Variants in SH2B3 observed in about 807,000 individuals in gnomAD.
SH2B3 encodes the protein SH2B adaptor protein 3.
Under a neutral mutation model 51.9 loss-of-function variants are expected in SH2B3, and 43 were observed. The ratio of observed to expected loss-of-function variants is 0.83; its 90% CI spans 0.65 to 1.07. SH2B3 has a LOEUF of 1.07. Among genes scored for constraint, SH2B3 ranks in the 50% least tolerant of loss-of-function variants. SH2B3 has a pLI of 0.00. For missense variants in SH2B3, 952 were observed against 834.3 expected (o/e 1.14, Z -1.74); for synonymous variants, 396 against 376.0 (o/e 1.05, Z -0.62).
Position 111,418,598 on chromosome 12 carries a change from CG to C in SH2B3, c.457del (p.Glu153SerfsTer44). The C allele has an allele frequency of 6.7e-7, 1 of 1,491,918 alleles. No homozygotes were observed. 92.4% of individuals were successfully genotyped at this position (1,491,918 alleles called of 1,614,324 possible). Reference sequence around the variant, plus strand: ...GCCACATCTTCCGCCGCCGCTCGGCCGGGGAGCTGCCAGCGGCCCACACCGC... The same window carrying C: ...GCCACATCTTCCGCCGCCGCTCGGCCGGGAGCTGCCAGCGGCCCACACCGC... ...LRHIFRRRSA[G>X]ELPAAHTAAA... On this transcript the variant is annotated frameshift_variant, in exon 2 of 8. Transcript: ENST00000341259. LOFTEE classifies it high-confidence loss of function. The surrounding 1 kb of genome is among the most constrained non-coding windows in gnomAD (Gnocchi z 6.7).
rs1387516113 is a variant in SH2B3, at chr12:111,410,979, G to A, written c.-28+4702G>A. 6.6e-6 allele frequency among the ~76,000 whole-genome samples: 1 copy of A among 152,172 alleles called. No homozygotes were observed. Among genetic ancestry groups the A allele is most frequent in the African/African-American group, 2.4e-5 (1 of 41,438 alleles). On this transcript the variant is annotated intron_variant, in intron 1 of 7. Coordinates refer to ENST00000341259, the MANE Select transcript of SH2B3 (RefSeq NM_005475.3). The surrounding 1 kb of genome is among the most constrained non-coding windows in gnomAD (Gnocchi z 4.9). Reference sequence around the variant, plus strand: ...CCTGGAGGAAGTGTCCCCTCTGAAGGTGTGAGACTTCCTGCCTATATCTGT... The same window carrying A: ...CCTGGAGGAAGTGTCCCCTCTGAAGATGTGAGACTTCCTGCCTATATCTGT...
chr12:111,410,504 G>A lies in SH2B3; in HGVS notation c.-28+4227G>A, dbSNP rs1488348517. On this transcript the variant is annotated intron_variant, in intron 1 of 7. Transcript: ENST00000341259. The surrounding 1 kb of genome is among the most constrained non-coding windows in gnomAD (Gnocchi z 4.9). ...GGGATTCTGATGGTGCTGCCTCTCC[G>A]CAGGGAGATGGTTCTTGGCTTTCCC... 2.6e-5 allele frequency among the ~76,000 whole-genome samples: 4 copies of A among 152,156 alleles called. No individual in the cohort carries two copies. The highest frequency in any genetic ancestry group is 1.3e-4 in the Admixed American group (2 of 15,288).
intron 1 of SH2B3, among the ~76,000 whole-genome samples, chr12:111,417,460 T>TTTTATTTATTTATTTA (rs61142950): frequency 0.062 from 9,131 of 147,132 alleles, 335 homozygotes; most frequent in Middle Eastern, 0.09. Context: ...AGGGCCTTTA[T>TTTTATTTATTTATTTA]TTTATTTATT....
intron 1 of SH2B3, among the ~76,000 whole-genome samples, chr12:111,413,104 G>GGTC (rs1870825450): frequency 6.6e-6 from 1 of 152,112 alleles, no homozygotes; most frequent in South Asian, 2.1e-4. Context: ...TCTGTGTGGG[G>GGTC]GTCTCTATAA....
intron 4 of SH2B3, 26 bp from the exon 5 acceptor site, chr12:111,447,099 C>G: frequency 1.2e-6 from 2 of 1,611,392 alleles, no homozygotes; most frequent in Non-Finnish European, 1.7e-6. Flanking sequence ...TGCCCAGATC[C>G]TTAACCTCAG....
rs1245677953 is a variant in SH2B3, at chr12:111,438,343, C to A, written c.733-8410C>A. Among the ~76,000 whole-genome samples the A allele has an allele frequency of 6.6e-6, 1 of 152,074 alleles. No homozygotes were observed. The highest frequency in any genetic ancestry group is 6.5e-5 in the Admixed American group (1 of 15,282). On this transcript the variant is annotated intron_variant, in intron 2 of 7. Transcript: ENST00000341259. This position sits in a 1 kb window ranked among gnomAD's most constrained non-coding sequence, Gnocchi z 4.2. ...GTAGCATGGGGGCTCCTGATGGTGC[C>A]CTTGCGGGGAGGTCAGGGGGCTGAC...
intron 1 of SH2B3, among the ~76,000 whole-genome samples, chr12:111,416,656 G>C (rs1385368918): frequency 2.6e-5 from 4 of 152,054 alleles, no homozygotes; most frequent in African/African-American, 9.7e-5. Flanking sequence ...ACCACAGCCG[G>C]CTAATTTTTG....
chr12:111,431,409 C>T lies in SH2B3; in HGVS notation c.732+12532C>T, dbSNP rs565701001. Among the ~76,000 whole-genome samples, 113 of 152,152 alleles carry T rather than the reference C, an allele frequency of 7.4e-4. 3 individuals carry two copies. Among genetic ancestry groups the T allele is most frequent in the Middle Eastern group, 3.4e-3 (1 of 294 alleles). On this transcript the variant is annotated intron_variant, in intron 2 of 7. Transcript: ENST00000341259. ...ATCTAGGAAACTGTCTTTAACTTGC[C>T]GAGGGCCTCCATGTCTGAGTTCCTA...
At position 111,435,318 on chromosome 12, in the gene SH2B3, C is replaced by G. The variant is rs1388596016; in HGVS notation, c.733-11435C>G. ...ACCCAGCCCTGGGGCCCCATGATAC[C>G]CTCGGTGATCGTCACAGATGCGGGG... On this transcript the variant is annotated intron_variant, in intron 2 of 7. Transcript: ENST00000341259. The surrounding 1 kb of genome is among the most constrained non-coding windows in gnomAD (Gnocchi z 4.8). 6.6e-6 allele frequency among the ~76,000 whole-genome samples: 1 copy of G among 152,152 alleles called. No homozygotes were observed. Among genetic ancestry groups the G allele is most frequent in the Non-Finnish European group, 1.5e-5 (1 of 68,022 alleles).
chr12:111,416,047 T>C (rs1351158391), intron 1 of SH2B3, among the ~76,000 whole-genome samples: 1 of 152,162 alleles, frequency 6.6e-6, no homozygotes, highest in African/African-American at 2.4e-5. Context: ...GTTCATGCCA[T>C]TCTCCTGCCT....
At position 111,451,469 on chromosome 12, in the gene SH2B3, G is replaced by A. The variant is rs1188857428; in HGVS notation, c.*3167G>A. ...ATACAGCACATTGTGATAACATAAA[G>A]TGGATTCATCTTGTATCATTATAGG... On this transcript the variant is annotated 3_prime_UTR_variant, in exon 8 of 8. Coordinates refer to ENST00000341259, the MANE Select transcript of SH2B3 (RefSeq NM_005475.3). 1 of 152,666 alleles carries A rather than the reference G, an allele frequency of 6.6e-6. No individual in the cohort carries two copies. The highest frequency in any genetic ancestry group is 1.5e-5 in the Non-Finnish European group (1 of 68,044). The allele number at this position is 152,666 out of a possible 1,614,324, so 9.5% of individuals were successfully genotyped here.
intron 2 of SH2B3, among the ~76,000 whole-genome samples, chr12:111,421,141 T>A (rs1871519473): frequency 1.3e-5 from 2 of 152,112 alleles, no homozygotes; most frequent in Admixed American, 1.3e-4. Flanking sequence ...TGCCTTTGTT[T>A]TATTTTATTA....
intron 2 of SH2B3, among the ~76,000 whole-genome samples, chr12:111,445,104 T>A (rs1873800444): frequency 6.6e-6 from 1 of 151,848 alleles, no homozygotes; most frequent in Non-Finnish European, 1.5e-5. Context: ...GGGGCCAGAG[T>A]CAGAGTGAAA....
At chr12:111,437,297 T>C (rs572302965) in intron 2 of SH2B3, among the ~76,000 whole-genome samples, 27 of 152,254 alleles carry the variant, frequency 1.8e-4, no homozygotes, top group Middle Eastern at 3.4e-3. Flanking sequence ...GTTTCTGGCA[T>C]TGGGGGGCTC....
In SH2B3 at chr12:111,429,977, G is replaced by T. The variant is rs1311788379; in HGVS notation, c.732+11100G>T. ...ACTGAGCCCTGGTCTTGGCAGGCAG[G>T]CAGAGCTCAGGTCCTGGCGGGCACA... On this transcript the variant is annotated intron_variant, in intron 2 of 7. Coordinates refer to ENST00000341259, the MANE Select transcript of SH2B3 (RefSeq NM_005475.3). This position sits in a 1 kb window ranked among gnomAD's most constrained non-coding sequence, Gnocchi z 4.4. Among the ~76,000 whole-genome samples, 1 of 152,224 alleles carries T rather than the reference G, an allele frequency of 6.6e-6. No individual in the cohort carries two copies. The highest frequency in any genetic ancestry group is 6.5e-5 in the Admixed American group (1 of 15,284).
upstream of SH2B3, among the ~76,000 whole-genome samples, chr12:111,405,481 G>T (rs1870174429): frequency 9.8e-5 from 15 of 152,316 alleles, no homozygotes; most frequent in South Asian, 3.1e-3. The surrounding 1 kb of genome is among the most constrained non-coding windows in gnomAD (Gnocchi z 5.4). Context: ...CAGCAAGGGC[G>T]CGCCCCCTGG....
chr12:111,416,177 C>T (rs1300337402), intron 1 of SH2B3, among the ~76,000 whole-genome samples: 11 of 151,668 alleles, frequency 7.3e-5, no homozygotes, highest in African/African-American at 2.4e-4. Context: ...CTCCTGACCT[C>T]GTGATCTGCC....
chr12:111,417,744 T>G (rs1468429619), intron 1 of SH2B3, among the ~76,000 whole-genome samples: 2 of 152,094 alleles, frequency 1.3e-5, no homozygotes, highest in Admixed American at 6.5e-5. Context: ...GGCCTGAGCC[T>G]CCGACCTCAG....
Position 111,447,746 on chromosome 12 carries a change from C to T in SH2B3, c.1327C>T (p.Arg443Cys), listed in dbSNP as rs775891572. 3.7e-5 allele frequency: 60 copies of T among 1,613,998 alleles called. No individual in the cohort carries two copies. Among genetic ancestry groups the T allele is most frequent in the Non-Finnish European group, 3.6e-5 (43 of 1,180,026 alleles). Residue 443 changes from arginine (R) to cysteine (C), a missense_variant, in exon 7 of 8, where the codon CGC becomes TGC. Arg to Cys is a radical substitution (Grantham distance 180). Coordinates refer to ENST00000341259, the MANE Select transcript of SH2B3 (RefSeq NM_005475.3). ...CGTGGACATGCTCCACCACTTCCAG[C>T]GCTCGCCCATCCCACTCGAGTGCGG... ...SVVDMLHHFQ[R>C]SPIPLECGAA... is the part of the protein sequence containing the mutation.
Sources: allele counts gnomAD v4.1 joint callset (sites outside exome capture counted in the v4.1 genomes callset), GRCh38; gene constraint gnomAD v4.1.1; non-coding constraint Gnocchi (gnomAD v3.1); transcripts MANE v1.5; gene names NCBI Gene and HGNC (gene_info 2026-07-23, HGNC 2026-07-21).